The following USP24 variants were observed in gnomAD, a reference collection of about 807,000 sequenced individuals.
USP24 encodes ubiquitin carboxyl-terminal hydrolase 24.
Under a neutral mutation model 361.6 loss-of-function variants are expected in USP24, and 97 were observed. That is an observed-to-expected ratio of 0.27 (90% CI 0.23 to 0.32). The LOEUF (loss-of-function observed/expected upper bound fraction) is 0.32. Among genes scored for constraint, USP24 ranks in the 10% least tolerant of loss-of-function variants. The probability of loss-of-function intolerance (pLI) is 1.00; values close to 1 mark genes in which losing one functional copy is unlikely to be tolerated. For missense variants in USP24, 2,353 were observed against 3,165.6 expected, an observed-to-expected ratio of 0.74 and a Z score of 6.16; for synonymous variants, 1,098 against 1,124.6, an observed-to-expected ratio of 0.98 and a Z score of 0.47.
intron 2 of USP24, among the ~76,000 whole-genome samples, chr1:55,177,453 C>T (rs1650106661): frequency 6.6e-6 from 1 of 152,042 alleles, no homozygotes; most frequent in Admixed American, 6.5e-5. Context: ...GTCAGAAATA[C>T]ACCATATTCT....
chr1:55,138,221 C>T (rs1481228817), intron 26 of USP24, among the ~76,000 whole-genome samples: 1 of 152,144 alleles, frequency 6.6e-6, no homozygotes, highest in East Asian at 1.9e-4. Context: ...ACCTGTTCTT[C>T]CATTTGCCTG....
chr1:55,094,024 A>G lies in USP24; in HGVS notation c.6267T>C (p.Asn2089=), dbSNP rs563300368. 15 of 1,613,834 alleles carry G rather than the reference A, an allele frequency of 9.3e-6. No individual in the cohort carries two copies. Among genetic ancestry groups the G allele is most frequent in the African/African-American group, 6.7e-5 (5 of 75,048 alleles). The change falls in exon 52 of 68, where the codon AAT becomes AAC. Residue 2089 remains asparagine, a synonymous_variant. Coordinates refer to ENST00000294383, the MANE Select transcript of USP24 (RefSeq NM_015306.3). ...QSSPRPHRPN[N]DRLSILTKLV... Reference sequence around the variant, plus strand: ...GCTTGGTAAGAATAGACAGCCGGTCATTGTTCGGCCTATGGGGCCGAGGGG... The same window carrying G: ...GCTTGGTAAGAATAGACAGCCGGTCGTTGTTCGGCCTATGGGGCCGAGGGG...
rs184638544 is a variant in USP24 at position 55,188,326 on chromosome 1, G to A, written c.325-10194C>T. Among the ~76,000 whole-genome samples, 1,002 of 151,748 alleles carry A rather than the reference G, an allele frequency of 6.6e-3. 7 individuals carry two copies. Among genetic ancestry groups the A allele is most frequent in the South Asian group, 0.023 (109 of 4,802 alleles). ...GATTAGGTAATTATTTCTTGGAAAA[G>A]CAAAAGCAACAAAGAAAAAATAAAC... On this transcript the variant is annotated intron_variant, in intron 1 of 67. Transcript: ENST00000294383.
chr1:55,178,333 T>C (rs1204910284), intron 1 of USP24, among the ~76,000 whole-genome samples: 2 of 152,178 alleles, frequency 1.3e-5, no homozygotes, highest in African/African-American at 4.8e-5. Context: ...TTGGCATCTC[T>C]ACTCGCTCGC....
rs750462579 is a variant in USP24 at position 55,089,738 on chromosome 1, A to G, written c.6557T>C (p.Val2186Ala). The change falls in exon 55 of 68, where the codon GTT becomes GCT. Residue 2186 changes from valine to alanine, a missense_variant and splice_region_variant. This residue lies in a region of USP24 where 598 missense variants were observed against 761.9 expected (regional missense o/e 0.78). Coordinates refer to ENST00000294383, the MANE Select transcript of USP24 (RefSeq NM_015306.3). ...TYLRTKKKLRVDTEEWIATIE... is the reference protein window; with the variant it reads ...TYLRTKKKLRADTEEWIATIE... ...GGTAGCAATCCATTCTTCAGTATCA[A>G]CCCTTTAAAAAAAAGCAGATACAGC... is the stretch of plus-strand genomic sequence containing the variant. The G allele has an allele frequency of 1.3e-6, 2 of 1,585,162 alleles. No individual in the cohort carries two copies. The highest frequency in any genetic ancestry group is 2.3e-5 in the East Asian group (1 of 44,286).
intron 38 of USP24, among the ~76,000 whole-genome samples, chr1:55,117,644 C>T (rs916851404): frequency 1.2e-4 from 17 of 145,666 alleles, no homozygotes; most frequent in African/African-American, 3.0e-4. Flanking sequence ...AGGAGAATGG[C>T]GTGAACCCGG....
intron 63 of USP24, 98 bp from the exon 64 acceptor site, chr1:55,074,004 T>C (rs1570335021): frequency 3.1e-6 from 3 of 975,334 alleles, no homozygotes; most frequent in Non-Finnish European, 4.6e-6. Flanking sequence ...CGACAAACTA[T>C]TTTAATAAAC....
At chr1:55,097,856 G>A (rs2100495851) in intron 47 of USP24, 87 bp downstream of exon 47, 2 of 1,520,782 alleles carry the variant, frequency 1.3e-6, no homozygotes, top group Non-Finnish European at 1.8e-6. Context: ...ATAACAGTAG[G>A]AGCTTAATAC....
intron 38 of USP24, 56 bp from the exon 39 acceptor site, chr1:55,110,302 C>T (rs1645912377): frequency 7.1e-7 from 1 of 1,400,846 alleles, no homozygotes; most frequent in African/African-American, 1.5e-5. Flanking sequence ...AAATAAAAAG[C>T]ATTTTCCTTG....
chr1:55,069,211 T>C, intron 67 of USP24, 104 bp from the exon 68 acceptor site: 1 of 1,093,080 alleles, frequency 9.1e-7, no homozygotes, highest in Admixed American at 1.8e-5. Context: ...GGCAACTTAA[T>C]GCAATGTTTA....
At chr1:55,178,671 G>A (rs1383519125) in intron 1 of USP24, among the ~76,000 whole-genome samples, 3 of 141,862 alleles carry the variant, frequency 2.1e-5, no homozygotes, top group East Asian at 2.1e-4. Flanking sequence ...GTGAGACTCC[G>A]TCTCAAAATA....
chr1:55,179,047 CT>C (rs552586621), intron 1 of USP24, among the ~76,000 whole-genome samples: 18 of 152,184 alleles, frequency 1.2e-4, no homozygotes, highest in Non-Finnish European at 2.6e-4. Context: ...TGACTCATTC[CT>C]GACAACACCC....
At chr1:55,212,574 C>A (rs1243593463) in intron 1 of USP24, among the ~76,000 whole-genome samples, 1 of 152,172 alleles carries the variant, frequency 6.6e-6, no homozygotes, top group Non-Finnish European at 1.5e-5. Flanking sequence ...GATCAAGAGC[C>A]TCAGTTTCCC....
At position 55,079,578 on chromosome 1, in the gene USP24, G is replaced by A. The variant is rs1439067913; in HGVS notation, c.7160C>T (p.Ala2387Val). 1.3e-6 allele frequency: 2 copies of A among 1,574,132 alleles called. No individual in the cohort carries two copies. Among genetic ancestry groups the A allele is most frequent in the South Asian group, 2.4e-5 (2 of 82,066 alleles). The change falls in exon 60 of 68, where the codon GCC (alanine) becomes GTC (valine). Residue 2387 changes from alanine (A) to valine (V), a missense_variant. This residue lies in a region of USP24 where 598 missense variants were observed against 761.9 expected (regional missense o/e 0.78). Transcript: ENST00000294383. ...TTTCCCTTCAGACATGAACAACAAG[G>A]CTTCTACCTCCTCATGGAGGGGCAA... ...PLLPLHEEVEALLFMSEGKPY... is the reference protein window; with the variant it reads ...PLLPLHEEVEVLLFMSEGKPY...
At chr1:55,200,308 G>A (rs1644536782) in intron 1 of USP24, among the ~76,000 whole-genome samples, 1 of 152,222 alleles carries the variant, frequency 6.6e-6, no homozygotes, top group South Asian at 2.1e-4. Flanking sequence ...ATGGGAATAA[G>A]CTATATTGAA....
intron 2 of USP24, among the ~76,000 whole-genome samples, chr1:55,177,341 T>C (rs569864135): frequency 6.6e-6 from 1 of 152,272 alleles, no homozygotes; most frequent in Admixed American, 6.5e-5. Context: ...TTGCTTATCA[T>C]TGGGAATACT....
At chr1:55,189,005 T>C (rs557990223) in intron 1 of USP24, among the ~76,000 whole-genome samples, 2 of 95,250 alleles carry the variant, frequency 2.1e-5, no homozygotes, top group East Asian at 2.6e-4. Context: ...AGACAGGAAA[T>C]AACAAGTATT....
chr1:55,070,789 G>A (rs1420387788), intron 67 of USP24, among the ~76,000 whole-genome samples: 1 of 152,150 alleles, frequency 6.6e-6, no homozygotes, highest in Non-Finnish European at 1.5e-5. Flanking sequence ...AGGGTGGAGC[G>A]TTCTGGATAT....
intron 1 of USP24, among the ~76,000 whole-genome samples, chr1:55,199,296 C>T (rs1038061729): frequency 4.0e-5 from 6 of 148,818 alleles, no homozygotes; most frequent in Admixed American, 1.3e-4. Flanking sequence ...TTCCAAAAAA[C>T]AAAAAAACAA....
Sources: allele counts gnomAD v4.1 joint callset (sites outside exome capture counted in the v4.1 genomes callset), GRCh38; gene constraint gnomAD v4.1.1; regional missense constraint gnomAD v4.1.1; transcripts MANE v1.5; gene names NCBI Gene and HGNC (gene_info 2026-07-23, HGNC 2026-07-21).